Variants in TSPEAR observed in about 807,000 individuals in gnomAD.
TSPEAR encodes the protein thrombospondin-type laminin G domain and EAR repeat-containing protein.
A neutral mutation model predicts 71.6 loss-of-function variants in TSPEAR; 69 were observed. The ratio of observed to expected loss-of-function variants is 0.96; its 90% CI spans 0.79 to 1.18. TSPEAR has a LOEUF of 1.18. Among genes scored for constraint, TSPEAR ranks in the 50% most tolerant of loss-of-function variants. The pLI is 0.00. For missense variants in TSPEAR, 971 were observed against 894.9 expected (o/e 1.09, Z -1.09); for synonymous variants, 402 against 387.2 (o/e 1.04, Z -0.45).
intron 1 of TSPEAR, chr21:44,678,137 C>T (rs587647861): frequency 1.9e-5 from 11 of 585,962 alleles, no homozygotes; most frequent in East Asian, 8.9e-5. Flanking sequence ...CATGGCGGCA[C>T]GAGTAAGTGG....
In TSPEAR at chr21:44,529,737, G is replaced by A. The variant is rs150706093; in HGVS notation, c.790+61C>T. On this transcript the variant is annotated intron_variant, in intron 5 of 11. Coordinates refer to ENST00000323084, the MANE Select transcript of TSPEAR (RefSeq NM_144991.3). Reference sequence around the variant, plus strand: ...GAGCTGAGCCCTGAGTTCCCGCCTGGTGTGAGGCCAGGGCTCTCGCATCTG... The same window carrying A: ...GAGCTGAGCCCTGAGTTCCCGCCTGATGTGAGGCCAGGGCTCTCGCATCTG... The A allele has an allele frequency of 4.3e-4, 678 of 1,594,724 alleles. 3 individuals are homozygous for A. In the African/African-American group the frequency reaches 7.7e-3, roughly 18 times the overall value.
chr21:44,678,561 T>G (rs587624430), intron 1 of TSPEAR, among the ~76,000 whole-genome samples: 24 of 152,272 alleles, frequency 1.6e-4, no homozygotes, highest in African/African-American at 5.8e-4. Context: ...GTCTCAGGTA[T>G]CTTTATAGCA....
At chr21:44,509,699 A>C in intron 9 of TSPEAR, 1 of 337,432 alleles carries the variant, frequency 3.0e-6, no homozygotes, top group Non-Finnish European at 5.6e-6. Context: ...CAGACGTGGC[A>C]CTCCTGCTGG....
In TSPEAR at chr21:44,711,153, C is replaced by T. The variant is rs1281850932; in HGVS notation, c.82+280G>A. ...CCCAGCAGGTAAGCACTTGTGGAGG[C>T]CCCGGTGGCTGCTGGTTAGCTCTTG... On this transcript the variant is annotated intron_variant, in intron 1 of 11. Coordinates refer to ENST00000323084, the MANE Select transcript of TSPEAR (RefSeq NM_144991.3). The surrounding 1 kb of genome is among the most constrained non-coding windows in gnomAD (Gnocchi z 4.5). Among the ~76,000 whole-genome samples the T allele has an allele frequency of 3.3e-5, 5 of 152,204 alleles. No homozygotes were observed. Among genetic ancestry groups the T allele is most frequent in the Non-Finnish European group, 2.9e-5 (2 of 68,040 alleles).
intron 1 of TSPEAR, among the ~76,000 whole-genome samples, chr21:44,617,224 C>T (rs1982160334): frequency 6.6e-6 from 1 of 152,242 alleles, no homozygotes; most frequent in South Asian, 2.1e-4. Flanking sequence ...GGAGGTGGGA[C>T]ATGGGGGGAC....
At chr21:44,531,821 C>T (rs1477687535) in intron 3 of TSPEAR, among the ~76,000 whole-genome samples, 3 of 152,220 alleles carry the variant, frequency 2.0e-5, no homozygotes, top group African/African-American at 2.4e-5. Context: ...GCGGTCTTGA[C>T]GAGTGCGTGG....
At chr21:44,556,569 T>G (rs192824208) in intron 2 of TSPEAR, among the ~76,000 whole-genome samples, 1 of 152,238 alleles carries the variant, frequency 6.6e-6, no homozygotes, top group Non-Finnish European at 1.5e-5. Flanking sequence ...GGCCTGCGCC[T>G]GTAATCCCAG....
chr21:44,602,145 C>G (rs1215029042), intron 1 of TSPEAR: 3 of 276,490 alleles, frequency 1.1e-5, no homozygotes, highest in African/African-American at 6.6e-5. Context: ...CAGGTCAGAC[C>G]CTTCTAATAA....
At position 44,593,166 on chromosome 21, in the gene TSPEAR, C is replaced by T. The variant is rs1389766848; in HGVS notation, c.83-25161G>A. Among the ~76,000 whole-genome samples, 4 of 152,212 alleles carry T rather than the reference C, an allele frequency of 2.6e-5. No individual in the cohort carries two copies. The highest frequency in any genetic ancestry group is 2.6e-4 in the Admixed American group (4 of 15,282). Reference sequence around the variant, plus strand: ...GCTTGGCCCCTCCCTGCTTGGACAGCATGACAGCCTTCTGGGCTGTGGTTT... The same window carrying T: ...GCTTGGCCCCTCCCTGCTTGGACAGTATGACAGCCTTCTGGGCTGTGGTTT... On this transcript the variant is annotated intron_variant, in intron 1 of 11. Coordinates refer to ENST00000323084, the MANE Select transcript of TSPEAR (RefSeq NM_144991.3). This position sits in a 1 kb window ranked among gnomAD's most constrained non-coding sequence, Gnocchi z 5.9.
chr21:44,607,388 A>T (rs1017468197), intron 1 of TSPEAR, among the ~76,000 whole-genome samples: 5 of 152,218 alleles, frequency 3.3e-5, no homozygotes, highest in Non-Finnish European at 5.9e-5. Flanking sequence ...ATGCATGCAC[A>T]GGTCAAAACG....
rs138568643 is a variant in TSPEAR, at chr21:44,558,825, A to G, written c.303+8960T>C. The G allele has an allele frequency of 6.1e-4, 852 of 1,389,680 alleles. 5 individuals carry two copies. Among genetic ancestry groups the G allele is most frequent in the Middle Eastern group, 5.0e-3 (19 of 3,788 alleles). 86.1% of individuals were successfully genotyped at this position (1,389,680 alleles called of 1,614,324 possible). A position where few individuals can be genotyped will look rare whatever the true frequency, so the allele number is the denominator to read the frequency against. On this transcript the variant is annotated intron_variant, in intron 2 of 11. Coordinates refer to ENST00000323084, the MANE Select transcript of TSPEAR (RefSeq NM_144991.3). ...AGGCCTCTGAGTGGTCGGAACCTTTATACCCCTCTGTGTTGATTGTGCTGC... is the reference window on the plus strand; with the variant it reads ...AGGCCTCTGAGTGGTCGGAACCTTTGTACCCCTCTGTGTTGATTGTGCTGC...
chr21:44,586,759 A>G (rs587727674), intron 1 of TSPEAR, among the ~76,000 whole-genome samples: 1 of 152,310 alleles, frequency 6.6e-6, no homozygotes, highest in Admixed American at 6.5e-5. Context: ...AACATTCACA[A>G]TTCAACACCA....
At chr21:44,662,889 A>G (rs1296990287) in intron 1 of TSPEAR, among the ~76,000 whole-genome samples, 1 of 152,216 alleles carries the variant, frequency 6.6e-6, no homozygotes, top group African/African-American at 2.4e-5. Flanking sequence ...GAATCACAAG[A>G]GAATTTAGAA....
chr21:44,630,100 T>C (rs1050895614), intron 1 of TSPEAR, among the ~76,000 whole-genome samples: 6 of 151,902 alleles, frequency 3.9e-5, no homozygotes, highest in Non-Finnish European at 7.4e-5. Context: ...GGAATGGGAG[T>C]TCTTGGAGAC....
intron 1 of TSPEAR, chr21:44,697,377 C>G: frequency 6.2e-7 from 1 of 1,613,388 alleles, no homozygotes; most frequent in East Asian, 2.2e-5. Context: ...AGCCGTGTAT[C>G]CAGCCCCTGC....
intron 1 of TSPEAR, chr21:44,654,362 AG>A (rs1828072666): frequency 9.9e-6 from 16 of 1,614,172 alleles, no homozygotes; most frequent in Non-Finnish European, 1.4e-5. Flanking sequence ...GTTGGGCAGA[AG>A]GAAGCCACAC....
intron 9 of TSPEAR, among the ~76,000 whole-genome samples, chr21:44,521,546 A>G (rs2052734135): frequency 6.6e-6 from 1 of 152,164 alleles, no homozygotes; most frequent in African/African-American, 2.4e-5. Context: ...GGAGCTTCCA[A>G]GGGGAGGGAG....
intron 1 of TSPEAR, among the ~76,000 whole-genome samples, chr21:44,661,050 G>C (rs1038149812): frequency 2.0e-5 from 3 of 152,170 alleles, no homozygotes; most frequent in African/African-American, 7.2e-5. Flanking sequence ...CCAGCACTTT[G>C]GGAGGCCGAG....
intron 1 of TSPEAR, among the ~76,000 whole-genome samples, chr21:44,620,551 A>G (rs1347253616): frequency 6.6e-6 from 1 of 151,308 alleles, no homozygotes; most frequent in Admixed American, 6.6e-5. Context: ...TAGTTATTTG[A>G]ATCTGTCTTC....
Sources: gnomAD v4.1 joint callset for allele counts (sites outside exome capture counted in the v4.1 genomes callset) on GRCh38, gnomAD v4.1.1 for gene constraint, Gnocchi (gnomAD v3.1) non-coding constraint, MANE v1.5 for transcripts, NCBI Gene and HGNC (gene_info 2026-07-23, HGNC 2026-07-21) for gene names.